CCSER1: variants seen among roughly 807,000 people sequenced by gnomAD.
CCSER1 encodes coiled-coil serine rich protein 1.
In CCSER1, 41 loss-of-function variants were observed where a neutral mutation model predicts 82.0. The observed-to-expected ratio is 0.50, with a 90% CI of 0.39 to 0.65. The LOEUF (loss-of-function observed/expected upper bound fraction) is 0.65, where lower values mean the gene tolerates loss of function less well. Among genes scored for constraint, CCSER1 ranks in the 30% least tolerant of loss-of-function variants. The pLI is 0.00. For missense variants in CCSER1, 1,119 were observed against 1,064.2 expected, an observed-to-expected ratio of 1.05 and a Z score of -0.72; for synonymous variants, 414 against 383.9, an observed-to-expected ratio of 1.08 and a Z score of -0.92.
chr4:90,629,954 A>T (rs537759211), intron 6 of CCSER1, among the ~76,000 whole-genome samples: 15 of 152,318 alleles, frequency 9.8e-5, no homozygotes, highest in African/African-American at 3.4e-4. Context: ...GAAGTACTAT[A>T]TAATTCTGAC....
At chr4:91,453,235 C>T (rs1755966128) in intron 10 of CCSER1, among the ~76,000 whole-genome samples, 1 of 151,846 alleles carries the variant, frequency 6.6e-6, no homozygotes, top group African/African-American at 2.4e-5. Flanking sequence ...TATGTCTTTT[C>T]TTGGTGAAAT....
intron 10 of CCSER1, among the ~76,000 whole-genome samples, chr4:91,559,222 A>G (rs1397131034): frequency 6.6e-6 from 1 of 151,628 alleles, no homozygotes; most frequent in Non-Finnish European, 1.5e-5. Flanking sequence ...GTTAAGCACT[A>G]ATTTTCCAAG....
chr4:90,359,335 A>G (rs1330639705), intron 3 of CCSER1, among the ~76,000 whole-genome samples: 2 of 152,202 alleles, frequency 1.3e-5, no homozygotes, highest in African/African-American at 2.4e-5. Context: ...ACTTTTGGAA[A>G]CCATTTTTAA....
At chr4:90,787,703 G>A (rs542383980) in intron 7 of CCSER1, among the ~76,000 whole-genome samples, 28 of 152,260 alleles carry the variant, frequency 1.8e-4, no homozygotes, top group Admixed American at 1.8e-3. Flanking sequence ...AAAGGAATTT[G>A]AACAATTGTA....
chr4:91,410,165 C>G (rs1022976621), intron 10 of CCSER1, among the ~76,000 whole-genome samples: 2 of 152,114 alleles, frequency 1.3e-5, no homozygotes. Context: ...TAAAAAGTTA[C>G]CTAGTCAAAA....
At chr4:90,179,960 A>C (rs1733412117) in intron 1 of CCSER1, among the ~76,000 whole-genome samples, 1 of 152,106 alleles carries the variant, frequency 6.6e-6, no homozygotes, top group Non-Finnish European at 1.5e-5. Context: ...GCAATAAGTA[A>C]GGAAAGTTGA....
At chr4:90,443,407 G>A (rs1188209088) in intron 4 of CCSER1, among the ~76,000 whole-genome samples, 1 of 152,096 alleles carries the variant, frequency 6.6e-6, no homozygotes, top group Non-Finnish European at 1.5e-5. Context: ...CTAATGGGCA[G>A]GTAGTATAGA....
intron 5 of CCSER1, among the ~76,000 whole-genome samples, chr4:90,532,243 A>T (rs1311880621): frequency 1.3e-5 from 2 of 152,022 alleles, no homozygotes; most frequent in Non-Finnish European, 2.9e-5. Context: ...TTCTCACACC[A>T]TTTGCTTCCC....
At chr4:90,336,263 C>T (rs1300405686) in intron 3 of CCSER1, among the ~76,000 whole-genome samples, 3 of 152,190 alleles carry the variant, frequency 2.0e-5, no homozygotes, top group Non-Finnish European at 4.4e-5. Context: ...ACTAAAGAGA[C>T]AATAGTAGAT....
intron 10 of CCSER1, among the ~76,000 whole-genome samples, chr4:91,491,450 G>A (rs542366255): frequency 7.9e-5 from 12 of 151,910 alleles, no homozygotes; most frequent in South Asian, 6.2e-4. Flanking sequence ...TCATTACCTC[G>A]GTATTATCAT....
intron 9 of CCSER1, among the ~76,000 whole-genome samples, chr4:90,935,984 G>A (rs1205155931): frequency 1.3e-5 from 2 of 151,774 alleles, no homozygotes; most frequent in African/African-American, 4.8e-5. Context: ...TTTTTGCAAT[G>A]AACATATGTA....
At chr4:91,391,015 A>C (rs1010742229) in intron 10 of CCSER1, among the ~76,000 whole-genome samples, 2 of 151,798 alleles carry the variant, frequency 1.3e-5, no homozygotes, top group Non-Finnish European at 1.5e-5. Flanking sequence ...TGATCTTTTC[A>C]AGGATCATCT....
chr4:90,356,435 A>C (rs1744388071), intron 3 of CCSER1, among the ~76,000 whole-genome samples: 1 of 151,616 alleles, frequency 6.6e-6, no homozygotes, highest in Non-Finnish European at 1.5e-5. Context: ...TTTATGTAAA[A>C]AATTAAACTC....
chr4:91,330,635 A>C (rs2149275824), intron 10 of CCSER1, among the ~76,000 whole-genome samples: 1 of 152,316 alleles, frequency 6.6e-6, no homozygotes, highest in African/African-American at 2.4e-5. Flanking sequence ...TTATCTTTTC[A>C]GTTTTCCAAT....
intron 10 of CCSER1, among the ~76,000 whole-genome samples, chr4:91,589,398 A>T (rs2110336050): frequency 6.6e-6 from 1 of 152,026 alleles, no homozygotes; most frequent in Admixed American, 6.6e-5. Context: ...GGACTCCAGA[A>T]TTTCTACCAC....
At chr4:90,890,930 C>T (rs1213761085) in intron 8 of CCSER1, among the ~76,000 whole-genome samples, 1 of 152,054 alleles carries the variant, frequency 6.6e-6, no homozygotes, top group Non-Finnish European at 1.5e-5. Flanking sequence ...CTACTATAAT[C>T]TGTATGAGTA....
intron 9 of CCSER1, among the ~76,000 whole-genome samples, chr4:91,038,105 T>G (rs1741610969): frequency 6.6e-6 from 1 of 152,126 alleles, no homozygotes; most frequent in Admixed American, 6.6e-5. Context: ...CCACAAGAGT[T>G]TCTTTACCAG....
chr4:90,923,422 C>T lies in CCSER1; in HGVS notation c.2147C>T (p.Thr716Ile). ...TTTGCTTCAAGAGTAGATAAATCCACACAGACTGAACTACTATGCTATGAT... is the reference window on the plus strand; with the variant it reads ...TTTGCTTCAAGAGTAGATAAATCCATACAGACTGAACTACTATGCTATGAT... Reference protein sequence around the residue: ...KAFASRVDKSTQTELLCYDGL... With the variant: ...KAFASRVDKSIQTELLCYDGL... The change falls in exon 9 of 11, where the codon ACA (threonine) becomes ATA (isoleucine). Residue 716 changes from threonine (T) to isoleucine (I), a missense_variant. Physicochemically the swap from Thr to Ile is moderately conservative, Grantham distance 89. Coordinates refer to ENST00000509176, the MANE Select transcript of CCSER1 (RefSeq NM_001145065.2). 1 of 1,551,234 alleles carries T rather than the reference C, an allele frequency of 6.4e-7. No homozygotes were observed.
chr4:91,007,546 T>C (rs1738619744), intron 9 of CCSER1, among the ~76,000 whole-genome samples: 1 of 152,080 alleles, frequency 6.6e-6, no homozygotes, highest in Admixed American at 6.5e-5. Flanking sequence ...ATCCATTTCT[T>C]GTCTCTTATG....
Sources: gnomAD v4.1 joint callset for allele counts (sites outside exome capture counted in the v4.1 genomes callset) on GRCh38, gnomAD v4.1.1 for gene constraint, MANE v1.5 for transcripts, NCBI Gene and HGNC (gene_info 2026-07-23, HGNC 2026-07-21) for gene names.